The following TRIP11 variants were observed in gnomAD, a reference collection of about 807,000 sequenced individuals.
TRIP11 encodes the protein thyroid receptor-interacting protein 11.
A neutral mutation model predicts 223.1 loss-of-function variants in TRIP11; 148 were observed. The observed-to-expected ratio is 0.66, with a 90% CI of 0.58 to 0.76. TRIP11 has a LOEUF of 0.76. Ranked by LOEUF, TRIP11 falls within the 30% of genes least tolerant of loss-of-function variation. The pLI is 0.00. For missense variants in TRIP11, 2,043 were observed against 2,222.0 expected (o/e 0.92, Z 1.62); for synonymous variants, 762 against 772.6 (o/e 0.99, Z 0.23).
intron 9 of TRIP11, among the ~76,000 whole-genome samples, chr14:92,010,642 G>A (rs1028027248): frequency 3.3e-5 from 5 of 151,996 alleles, no homozygotes; most frequent in Non-Finnish European, 5.9e-5. Flanking sequence ...CACACAAGCA[G>A]CATATACAGT....
chr14:92,011,182 T>C, intron 8 of TRIP11, 110 bp from the exon 9 acceptor site: 4 of 993,880 alleles, frequency 4.0e-6, no homozygotes, highest in South Asian at 2.7e-5. Context: ...TTTAATGATA[T>C]GTAGTAATTA....
Position 91,968,287 on chromosome 14 carries a change from C to T in TRIP11, c.*1386G>A, listed in dbSNP as rs1389015659. On this transcript the variant is annotated 3_prime_UTR_variant, in exon 21 of 21. Transcript: ENST00000267622. ...CTTTTTAAATGTACAACTTCAACAA[C>T]TAATAAAAATATGAACATCCAGATA... The T allele has an allele frequency of 4.9e-6, 1 of 204,206 alleles. No homozygotes were observed. Among genetic ancestry groups the T allele is most frequent in the African/African-American group, 2.3e-5 (1 of 43,628 alleles). 12.6% of individuals were successfully genotyped at this position (204,206 alleles called of 1,614,324 possible).
intron 15 of TRIP11, among the ~76,000 whole-genome samples, chr14:91,988,633 T>TAAAAAAAAAAAAAAAAAAAAGAAAA (rs2056635088): frequency 1.0e-5 from 1 of 99,516 alleles, no homozygotes; most frequent in Non-Finnish European, 2.1e-5. Context: ...ATGACAGAAG[T>TAAAAAAAAAAAAAAAAAAAAGAAAA]AAAAAAAAAA....
chr14:92,007,829 TAA>T lies in TRIP11; in HGVS notation c.1336_1337del (p.Leu446LysfsTer5). The T allele has an allele frequency of 6.2e-7, 1 of 1,611,162 alleles. No homozygotes were observed. The highest frequency in any genetic ancestry group is 8.5e-7 in the Non-Finnish European group (1 of 1,178,682). ...TTACTTCATATTCATTGTTCAATTT[TAA>T]AAGTGACATCTGAAGTTCTTCCTGA... Reference protein sequence around the residue: ...QEKEELQMSLLKLNNEYEVIK... With the variant: ...QEKEELQMSLXKLNNEYEVIK... On this transcript the variant is annotated frameshift_variant, in exon 10 of 21. Transcript: ENST00000267622. LOFTEE classifies it high-confidence loss of function.
At chr14:91,993,697 G>C (rs775412564) in intron 15 of TRIP11, 112 bp downstream of exon 15, 5 of 859,430 alleles carry the variant, frequency 5.8e-6, no homozygotes, top group Non-Finnish European at 9.3e-6. Flanking sequence ...CTGGATTCAG[G>C]GTAGAAAATT....
Position 92,006,422 on chromosome 14 carries a change from T to C in TRIP11, c.1554A>G (p.Leu518=), listed in dbSNP as rs1595389878. The C allele has an allele frequency of 4.3e-6, 7 of 1,613,016 alleles. No individual in the cohort carries two copies. Among genetic ancestry groups the C allele is most frequent in the Non-Finnish European group, 5.9e-6 (7 of 1,179,750 alleles). ...TKHMILIKDQ[L]SKQQNEGDSI... is the part of the protein sequence containing the mutation. The stretch of plus-strand genomic sequence containing the variant: ...TATCTCCTTCATTTTGTTGTTTTGA[T>C]AGCTGATCTTTTATCAAAATCATGT... The change falls in exon 11 of 21, where the codon CTA becomes CTG. Residue 518 remains leucine (L), a synonymous_variant. Transcript: ENST00000267622.
rs2056900061 is a variant in TRIP11 at position 92,006,176 on chromosome 14, T to G, written c.1800A>C (p.Val600=). 6.2e-7 allele frequency: 1 copy of G among 1,613,106 alleles called. No individual in the cohort carries two copies. Among genetic ancestry groups the G allele is most frequent in the African/African-American group, 1.3e-5 (1 of 74,906 alleles). The change falls in exon 11 of 21, where the codon GTA becomes GTC. Residue 600 remains valine (V), a synonymous_variant. Coordinates refer to ENST00000267622, the MANE Select transcript of TRIP11 (RefSeq NM_004239.4). ...DQLNKSQESN[V]SIQKENLELK... is the part of the protein sequence containing the mutation. Reference sequence around the variant, plus strand: ...GTTCTAAATTCTCCTTCTGGATGCTTACATTACTTTCTTGTGATTTATTTA... The same window carrying G: ...GTTCTAAATTCTCCTTCTGGATGCTGACATTACTTTCTTGTGATTTATTTA...
chr14:91,972,883 A>G (rs538137695), intron 19 of TRIP11, 22 bp from the exon 20 acceptor site: 2 of 1,585,890 alleles, frequency 1.3e-6, no homozygotes, highest in African/African-American at 1.3e-5. Flanking sequence ...TATTTTGGTT[A>G]TATTAGGCTA....
rs2056363821 is a variant in TRIP11, at chr14:91,968,630, C to A, written c.*1043G>T. ...TTAAGATGGTATCTTTAAATAGATACCTTAGCTGTTAAAACTAAGTGATAT... is the reference window on the plus strand; with the variant it reads ...TTAAGATGGTATCTTTAAATAGATAACTTAGCTGTTAAAACTAAGTGATAT... On this transcript the variant is annotated 3_prime_UTR_variant, in exon 21 of 21. Transcript: ENST00000267622. 1 of 222,772 alleles carries A rather than the reference C, an allele frequency of 4.5e-6. No homozygotes were observed. The highest frequency in any genetic ancestry group is 9.0e-6 in the Non-Finnish European group (1 of 111,014). The allele number at this position is 222,772 out of a possible 1,614,324, so 13.8% of individuals were successfully genotyped here.
chr14:91,967,134 G>GATTTTTTTTTTTTTTTTTTTTT lies in TRIP11; in HGVS notation c.*2538_*2539insAAAAAAAAAAAAAAAAAAAAAT, dbSNP rs2056348888. 8.8e-6 allele frequency: 1 copy of GATTTTTTTTTTTTTTTTTTTTT among 113,828 alleles called. No homozygotes were observed. The highest frequency in any genetic ancestry group is 4.8e-5 in the African/African-American group (1 of 20,828). 7.1% of individuals were successfully genotyped at this position (113,828 alleles called of 1,614,324 possible). ...CACAATGAAAACATTAGGTACTATA[G>GATTTTTTTTTTTTTTTTTTTTT]CTTTTTTTTTTTTTTTTTTTTTTTT... On this transcript the variant is annotated 3_prime_UTR_variant, in exon 21 of 21. Transcript: ENST00000267622.
In TRIP11 at chr14:91,969,870, T is replaced by C. The variant is rs1229685879; in HGVS notation, c.5743A>G (p.Arg1915Gly). The stretch of plus-strand genomic sequence containing the variant: ...AAAAACGGATTTACATCTGTTCTTC[T>C]ACCAGACCTGGATTCTGCTGTATCT... ...FKDTAESRSG[R>G]RTDVNPFLAP... Residue 1915 changes from arginine to glycine, a missense_variant, in exon 21 of 21, where the codon AGA becomes GGA. Arg to Gly is a moderately radical substitution (Grantham distance 125, BLOSUM62 -2). Coordinates refer to ENST00000267622, the MANE Select transcript of TRIP11 (RefSeq NM_004239.4). 1 of 1,614,154 alleles carries C rather than the reference T, an allele frequency of 6.2e-7. No individual in the cohort carries two copies.
rs772204149 is a variant in TRIP11, at chr14:92,003,725, TTTGA to T, written c.4247_4250del (p.Ile1416LysfsTer18). On this transcript the variant is annotated frameshift_variant, in exon 11 of 21. Coordinates refer to ENST00000267622, the MANE Select transcript of TRIP11 (RefSeq NM_004239.4). LOFTEE classifies it high-confidence loss of function. ...AAGAAAGTAGTTGATCACTTTTGGC[TTTGA>T]TTAAGAGGTCTTTTTCCTTAAGTAA... The T allele has an allele frequency of 9.3e-6, 15 of 1,614,100 alleles. No homozygotes were observed. The highest frequency in any genetic ancestry group is 1.3e-5 in the African/African-American group (1 of 74,956).
chr14:91,983,802 G>T (rs1256781339), intron 16 of TRIP11, among the ~76,000 whole-genome samples: 1 of 152,140 alleles, frequency 6.6e-6, no homozygotes, highest in Admixed American at 6.6e-5. Context: ...AATGTATTTG[G>T]CCTGTGTTCA....
At chr14:91,984,227 T>C (rs1328493114) in intron 16 of TRIP11, among the ~76,000 whole-genome samples, 1 of 152,136 alleles carries the variant, frequency 6.6e-6, no homozygotes, top group African/African-American at 2.4e-5. Flanking sequence ...TTGCACACCA[T>C]AAAATTCACC....
intron 15 of TRIP11, 141 bp downstream of exon 15, chr14:91,993,668 G>T: frequency 1.5e-6 from 1 of 678,234 alleles, no homozygotes; most frequent in Non-Finnish European, 2.5e-6. Flanking sequence ...CTTGTTCACT[G>T]TCAGGCTACA....
Position 92,026,464 on chromosome 14 carries a change from G to T in TRIP11, c.202-1044C>A. ...AAAAGCCATCTTTGCATTGTTCCTCGTCCGCCTCCTTGCTCGCCGCAGCCG... is the reference window on the plus strand; with the variant it reads ...AAAAGCCATCTTTGCATTGTTCCTCTTCCGCCTCCTTGCTCGCCGCAGCCG... On this transcript the variant is annotated intron_variant, in intron 2 of 20. Coordinates refer to ENST00000267622, the MANE Select transcript of TRIP11 (RefSeq NM_004239.4). 2.7e-6 allele frequency: 2 copies of T among 727,394 alleles called. 1 individual carries two copies. The highest frequency in any genetic ancestry group is 2.8e-5 in the South Asian group (2 of 70,864). The allele number at this position is 727,394 out of a possible 1,614,324, so 45.1% of individuals were successfully genotyped here.
intron 5 of TRIP11, 45 bp downstream of exon 5, chr14:92,017,637 G>C: frequency 6.8e-7 from 1 of 1,462,194 alleles, no homozygotes; most frequent in Non-Finnish European, 9.6e-7. Flanking sequence ...TTAATAAGCA[G>C]ATTTAGATGT....
chr14:92,022,480 C>T (rs553712510), intron 3 of TRIP11, among the ~76,000 whole-genome samples: 2 of 152,214 alleles, frequency 1.3e-5, no homozygotes, highest in African/African-American at 4.8e-5. Flanking sequence ...GAGGAGCCAG[C>T]GAAAATCTGA....
In TRIP11 at chr14:92,011,781, T is replaced by C. The variant is rs1279514283; in HGVS notation, c.1201A>G (p.Ile401Val). Residue 401 changes from isoleucine to valine, a missense_variant, in exon 8 of 21, where the codon ATA becomes GTA. Transcript: ENST00000267622. Reference protein sequence around the residue: ...QQALSDAENEIMRLSSLNQDN... With the variant: ...QQALSDAENEVMRLSSLNQDN... Reference sequence around the variant, plus strand: ...TGGTTTAAACTACTCAATCTCATTATTTCATTTTCGGCATCTGTAAAAACA... The same window carrying C: ...TGGTTTAAACTACTCAATCTCATTACTTCATTTTCGGCATCTGTAAAAACA... The C allele has an allele frequency of 1.9e-6, 3 of 1,612,160 alleles. No individual in the cohort carries two copies. The highest frequency in any genetic ancestry group is 2.2e-5 in the East Asian group (1 of 44,728).
Sources: allele counts gnomAD v4.1 joint callset (sites outside exome capture counted in the v4.1 genomes callset), GRCh38; gene constraint gnomAD v4.1.1; transcripts MANE v1.5; gene names NCBI Gene and HGNC (gene_info 2026-07-23, HGNC 2026-07-21).